Variants in NTSR2 observed in about 807,000 individuals in gnomAD.
NTSR2 encodes neurotensin receptor type 2.
NTSR2 carries 22 observed loss-of-function variants against 24.1 expected under a neutral mutation model. That is an observed-to-expected ratio of 0.91 (90% CI 0.65 to 1.30). The LOEUF (loss-of-function observed/expected upper bound fraction) is 1.30, where lower values mean the gene tolerates loss of function less well. NTSR2 is among the 50% of genes most tolerant of loss of function. The probability of loss-of-function intolerance (pLI) is 0.00; values close to 1 mark genes in which losing one functional copy is unlikely to be tolerated. For missense variants in NTSR2, 570 were observed against 570.4 expected (o/e 1.00, Z 0.01); for synonymous variants, 291 against 267.0 (o/e 1.09, Z -0.88).
chr2:11,660,180 A>C, intron 2 of NTSR2, 47 bp from the exon 3 acceptor site: 2 of 1,437,396 alleles, frequency 1.4e-6, no homozygotes, highest in African/African-American at 1.4e-5. Context: ...GAAAGCAAAC[A>C]CATTCTCAGT....
rs1431996467 is a variant in NTSR2, at chr2:11,660,039, T to C, written c.989+4A>G. On this transcript the variant is annotated splice_donor_region_variant and intron_variant, in intron 3 of 3. Coordinates refer to ENST00000306928, the MANE Select transcript of NTSR2 (RefSeq NM_012344.4). ...GTGTGCTAGGGTCCTTCTGCCACAC[T>C]CACTCAGTCCACGCGTCATCAGGTA... 1.2e-6 allele frequency: 2 copies of C among 1,612,238 alleles called. No homozygotes were observed. Among genetic ancestry groups the C allele is most frequent in the Non-Finnish European group, 1.7e-6 (2 of 1,178,598 alleles).
In NTSR2 at chr2:11,669,874, C is replaced by T; in HGVS notation, c.256G>A (p.Gly86Ser). The change falls in exon 1 of 4, where the codon GGC becomes AGC. Residue 86 changes from glycine (G) to serine (S), a missense_variant. Transcript: ENST00000306928. ...AAGCTGTAGAGCTCCACCGGCACGCCGACCAGCAGCAGCAGCAGGCCCGCG... is the reference window on the plus strand; with the variant it reads ...AAGCTGTAGAGCTCCACCGGCACGCTGACCAGCAGCAGCAGCAGGCCCGCG... ...ALAGLLLLLV[G>S]VPVELYSFVW... 6.3e-7 allele frequency: 1 copy of T among 1,585,438 alleles called. No individual in the cohort carries two copies. Among genetic ancestry groups the T allele is most frequent in the Non-Finnish European group, 8.5e-7 (1 of 1,172,388 alleles).
At position 11,669,512 on chromosome 2, in the gene NTSR2, A is replaced by G; in HGVS notation, c.618T>C (p.Phe206=). The change falls in exon 1 of 4, where the codon TTT becomes TTC. Residue 206 remains phenylalanine (F), a synonymous_variant. Coordinates refer to ENST00000306928, the MANE Select transcript of NTSR2 (RefSeq NM_012344.4). The part of the protein sequence containing the change: ...VLVSRTALQV[F]IQVNVLVSFV... ...CCGCTCTCCACGCCCTTACCTGGAT[A>G]AAGACTTGGAGCGCGGTGCGGCTCA... 8.8e-7 allele frequency: 1 copy of G among 1,138,554 alleles called. No individual in the cohort carries two copies. Among genetic ancestry groups the G allele is most frequent in the Non-Finnish European group, 1.1e-6 (1 of 921,578 alleles). The allele number at this position is 1,138,554 out of a possible 1,614,324, so 70.5% of individuals were successfully genotyped here.
rs781057354 is a variant in NTSR2 at position 11,669,885 on chromosome 2, A to C, written c.245T>G (p.Leu82Arg). 3 of 1,583,002 alleles carry C rather than the reference A, an allele frequency of 1.9e-6. No individual in the cohort carries two copies. The African/African-American group carries it at 4.1e-5, about 21-fold the overall frequency. The change falls in exon 1 of 4, where the codon CTG (leucine) becomes CGG (arginine). Residue 82 changes from leucine (L) to arginine (R), a missense_variant. Transcript: ENST00000306928. ...CTCCACCGGCACGCCGACCAGCAGC[A>C]GCAGCAGGCCCGCGAGCGCCAGGCT... Reference protein sequence around the residue: ...VLSLALAGLLLLLVGVPVELY... With the variant: ...VLSLALAGLLRLLVGVPVELY...
intron 1 of NTSR2, among the ~76,000 whole-genome samples, chr2:11,666,829 G>A (rs967265644): frequency 6.6e-6 from 1 of 152,172 alleles, no homozygotes; most frequent in Non-Finnish European, 1.5e-5. Context: ...GGGCAGAGCA[G>A]GCAGGGAGAG....
chr2:11,665,218 C>T (rs1367946579), intron 1 of NTSR2, among the ~76,000 whole-genome samples: 2 of 152,166 alleles, frequency 1.3e-5, no homozygotes, highest in African/African-American at 2.4e-5. Context: ...CGGAGAACTG[C>T]GCAGCCAGGT....
Position 11,660,119 on chromosome 2 carries a change from T to C in NTSR2, c.913A>G (p.Met305Val), listed in dbSNP as rs753832058. 2 of 1,613,446 alleles carry C rather than the reference T, an allele frequency of 1.2e-6. No homozygotes were observed. The highest frequency in any genetic ancestry group is 3.3e-5 in the Admixed American group (2 of 60,030). ...SVQVLRAIVVMYVICWLPYHA... is the reference protein window; with the variant it reads ...SVQVLRAIVVVYVICWLPYHA... ...TACGGCAGCCAGCAGATGACATACA[T>C]GACCACGATGGCTCCTGCAGAGCAT... Residue 305 changes from methionine to valine, a missense_variant, in exon 3 of 4, where the codon ATG becomes GTG. Coordinates refer to ENST00000306928, the MANE Select transcript of NTSR2 (RefSeq NM_012344.4).
At chr2:11,669,460 G>GGGGGGGGGGCGCCCCCCCCCCCCCCC in intron 1 of NTSR2, 46 bp downstream of exon 1, 1 of 254,726 alleles carries the variant, frequency 3.9e-6, no homozygotes. Flanking sequence ...TCCCAGCACC[G>GGGGGGGGGGCGCCCCCCCCCCCCCCC]CCCCCCCACC....
At chr2:11,669,460 G>GGGGCGGGGGGCCC in intron 1 of NTSR2, 46 bp downstream of exon 1, 1 of 254,726 alleles carries the variant, frequency 3.9e-6, no homozygotes, top group Non-Finnish European at 6.9e-6. Flanking sequence ...TCCCAGCACC[G>GGGGCGGGGGGCCC]CCCCCCCACC....
At chr2:11,663,401 G>T (rs1387155130) in intron 1 of NTSR2, among the ~76,000 whole-genome samples, 1 of 152,126 alleles carries the variant, frequency 6.6e-6, no homozygotes, top group Admixed American at 6.5e-5. Flanking sequence ...GAGCTCCAGG[G>T]AGAACTGAAA....
At chr2:11,669,460 G>GGGCGGGGGGGGCGCCCCCCCCCCC in intron 1 of NTSR2, 46 bp downstream of exon 1, 1 of 254,726 alleles carries the variant, frequency 3.9e-6, no homozygotes. Context: ...TCCCAGCACC[G>GGGCGGGGGGGGCGCCCCCCCCCCC]CCCCCCCACC....
chr2:11,667,111 T>G (rs552442567), intron 1 of NTSR2, among the ~76,000 whole-genome samples: 1 of 152,314 alleles, frequency 6.6e-6, no homozygotes, highest in Admixed American at 6.5e-5. Context: ...AGAGGCCTCT[T>G]TCTGAGTCTG....
At chr2:11,658,749 T>G in intron 3 of NTSR2, 27 bp from the exon 4 acceptor site, 1 of 1,610,214 alleles carries the variant, frequency 6.2e-7, no homozygotes, top group Non-Finnish European at 8.5e-7. Flanking sequence ...GGAGCCTGGT[T>G]AGAGGACCTG....
Position 11,669,921 on chromosome 2 carries a change from T to A in NTSR2, c.209A>T (p.His70Leu). Residue 70 changes from histidine to leucine, a missense_variant, in exon 1 of 4, where the codon CAC becomes CTC. By Grantham distance (99) the His-to-Leu change is moderately conservative. Coordinates refer to ENST00000306928, the MANE Select transcript of NTSR2 (RefSeq NM_012344.4). ...CGCGAGCGCCAGGCTGAGCACGTGG[T>A]GGCGCAGGCGCCCCGCGCGCCCGGC... is the stretch of plus-strand genomic sequence containing the variant. The part of the protein sequence containing the change: ...ARAGRAGRLR[H>L]HVLSLALAGL... The A allele has an allele frequency of 6.5e-7, 1 of 1,542,686 alleles. No homozygotes were observed. The highest frequency in any genetic ancestry group is 2.4e-5 in the East Asian group (1 of 41,608).
At chr2:11,658,961 C>A (rs2148482076) in intron 3 of NTSR2, among the ~76,000 whole-genome samples, 1 of 152,314 alleles carries the variant, frequency 6.6e-6, no homozygotes. Flanking sequence ...TCAAGCAATT[C>A]TCCTGCCTAC....
At position 11,669,743 on chromosome 2, in the gene NTSR2, C is replaced by G. The variant is rs1661286672; in HGVS notation, c.387G>C (p.Leu129=). 2.0e-6 allele frequency: 3 copies of G among 1,534,712 alleles called. No homozygotes were observed. The highest frequency in any genetic ancestry group is 1.4e-5 in the African/African-American group (1 of 72,506). Residue 129 remains leucine, a synonymous_variant, in exon 1 of 4, where the codon CTG becomes CTC. Transcript: ENST00000306928. ...ACACGGCTAGGCAGCGCTCGGCGCTCAGGCCTGCCACGCTCAGCACCGTGG... is the reference window on the plus strand; with the variant it reads ...ACACGGCTAGGCAGCGCTCGGCGCTGAGGCCTGCCACGCTCAGCACCGTGG... ...AYATVLSVAG[L]SAERCLAVCQ... is the part of the protein sequence containing the mutation.
At chr2:11,659,049 C>T (rs1299060358) in intron 3 of NTSR2, among the ~76,000 whole-genome samples, 1 of 152,198 alleles carries the variant, frequency 6.6e-6, no homozygotes, top group Admixed American at 6.5e-5. Context: ...GACGCGGTTT[C>T]ACCATGTTGG....
intron 1 of NTSR2, among the ~76,000 whole-genome samples, chr2:11,664,128 C>CTT (rs1370424939): frequency 3.3e-5 from 3 of 90,480 alleles, no homozygotes; most frequent in Non-Finnish European, 6.9e-5. Flanking sequence ...AAACACTGAG[C>CTT]ATTTTTTTTT....
At chr2:11,669,460 G>GGGGCGGGGCC in intron 1 of NTSR2, 46 bp downstream of exon 1, 2 of 254,726 alleles carry the variant, frequency 7.9e-6, no homozygotes, top group East Asian at 5.5e-5. Flanking sequence ...TCCCAGCACC[G>GGGGCGGGGCC]CCCCCCCACC....
Sources: gnomAD v4.1 joint callset for allele counts (sites outside exome capture counted in the v4.1 genomes callset) on GRCh38, gnomAD v4.1.1 for gene constraint, MANE v1.5 for transcripts, NCBI Gene and HGNC (gene_info 2026-07-23, HGNC 2026-07-21) for gene names.